FRMD4B: variants seen among roughly 807,000 people sequenced by gnomAD.
FRMD4B encodes FERM domain-containing protein 4B.
In FRMD4B, 74 loss-of-function variants were observed where a neutral mutation model predicts 141.5. The observed-to-expected ratio is 0.52, with a 90% CI of 0.43 to 0.63. The LOEUF (loss-of-function observed/expected upper bound fraction) is 0.63. FRMD4B is among the 30% of genes least tolerant of loss of function. FRMD4B has a pLI of 0.00. For synonymous variants in FRMD4B, 506 were observed against 467.9 expected, an observed-to-expected ratio of 1.08 and a Z score of -1.05; for missense variants, 1,366 against 1,253.4, an observed-to-expected ratio of 1.09 and a Z score of -1.36.
At chr3:69,474,093 T>C (rs1705939354) in intron 1 of FRMD4B, among the ~76,000 whole-genome samples, 1 of 152,204 alleles carries the variant, frequency 6.6e-6, no homozygotes, top group Non-Finnish European at 1.5e-5. Context: ...CCATCAGTGA[T>C]TTATGCAATG....
At chr3:69,433,798 G>A (rs1197191028) in intron 1 of FRMD4B, among the ~76,000 whole-genome samples, 1 of 152,172 alleles carries the variant, frequency 6.6e-6, no homozygotes, top group East Asian at 1.9e-4. Flanking sequence ...GATAGTTATG[G>A]TTTGGGTAGT....
At chr3:69,479,477 G>T (rs1375465851) in intron 1 of FRMD4B, among the ~76,000 whole-genome samples, 1 of 152,030 alleles carries the variant, frequency 6.6e-6, no homozygotes, top group Non-Finnish European at 1.5e-5. Flanking sequence ...GCTTAGTTTG[G>T]CTAGATATGA....
rs542515836 is a variant in FRMD4B at position 69,284,066 on chromosome 3, C to T, written c.501+3686G>A. Among the ~76,000 whole-genome samples, 8 of 152,094 alleles carry T rather than the reference C, an allele frequency of 5.3e-5. No homozygotes were observed. The East Asian group carries it at 7.7e-4, about 15-fold the overall frequency. ...CGAAGATAGTGAACCTTGAACAAGG[C>T]GAGCCCTATGACTGCCCCCAGTACT... is the stretch of plus-strand genomic sequence containing the variant. On this transcript the variant is annotated intron_variant, in intron 5 of 22. Transcript: ENST00000398540.
intron 10 of FRMD4B, 118 bp downstream of exon 10, chr3:69,218,204 C>T (rs2093159706): frequency 1.6e-6 from 1 of 623,018 alleles, no homozygotes. Context: ...AAATAATGTA[C>T]TTTATAATTT....
intron 19 of FRMD4B, among the ~76,000 whole-genome samples, chr3:69,184,788 C>A (rs1370492379): frequency 6.6e-6 from 1 of 152,172 alleles, no homozygotes; most frequent in African/African-American, 2.4e-5. Context: ...CTGTTCTGAC[C>A]AATATGATAG....
At chr3:69,180,822 C>A in intron 21 of FRMD4B, 77 bp downstream of exon 21, 2 of 989,298 alleles carry the variant, frequency 2.0e-6, no homozygotes, top group East Asian at 2.4e-5. Flanking sequence ...TCTCATGATC[C>A]GTGAGGCGGT....
At chr3:69,337,605 T>C (rs1279216125) in intron 1 of FRMD4B, among the ~76,000 whole-genome samples, 2 of 152,060 alleles carry the variant, frequency 1.3e-5, no homozygotes, top group African/African-American at 4.8e-5. Flanking sequence ...CCAACAAATT[T>C]ACAAGAAAAA....
At chr3:69,534,177 C>T (rs1411057375) in intron 1 of FRMD4B, among the ~76,000 whole-genome samples, 1 of 152,192 alleles carries the variant, frequency 6.6e-6, no homozygotes, top group Non-Finnish European at 1.5e-5. Context: ...TTCACATCTT[C>T]CCTTCATAGG....
Position 69,180,983 on chromosome 3 carries a change from C to G in FRMD4B, c.2767G>C (p.Asp923His). Residue 923 changes from aspartate (D) to histidine (H), a missense_variant, in exon 21 of 23, where the codon GAC becomes CAC. Coordinates refer to ENST00000398540, the MANE Select transcript of FRMD4B (RefSeq NM_015123.3). ...GHSPQTSFDS[D>H]RGSQRCLGFA... ...CCCAGGCATCTCTGTGATCCCCTGT[C>G]TGAGTCAAAGCTGGTCTGCGGGCTG... 6.2e-7 allele frequency: 1 copy of G among 1,614,046 alleles called. No homozygotes were observed. Among genetic ancestry groups the G allele is most frequent in the South Asian group, 1.1e-5 (1 of 91,082 alleles).
At chr3:69,356,413 T>G (rs985712677) in intron 1 of FRMD4B, among the ~76,000 whole-genome samples, 1 of 152,036 alleles carries the variant, frequency 6.6e-6, no homozygotes, top group Non-Finnish European at 1.5e-5. Flanking sequence ...CCAGCCTACA[T>G]CTTTCTCTCG....
chr3:69,377,644 G>T (rs9848101), intron 1 of FRMD4B, among the ~76,000 whole-genome samples: 1 of 152,136 alleles, frequency 6.6e-6, no homozygotes, highest in Non-Finnish European at 1.5e-5. Flanking sequence ...CCTTTTCAAG[G>T]GTAGCCCATC....
In FRMD4B at chr3:69,339,218, A is replaced by T. The variant is rs114174787; in HGVS notation, c.163-25701T>A. Among the ~76,000 whole-genome samples the T allele has an allele frequency of 4.9e-3, 750 of 152,166 alleles. 7 individuals carry two copies. Among genetic ancestry groups the T allele is most frequent in the African/African-American group, 0.017 (699 of 41,468 alleles). On this transcript the variant is annotated intron_variant, in intron 1 of 22. Transcript: ENST00000398540. The stretch of plus-strand genomic sequence containing the variant: ...ACTATTGGCCTAGAAAATGAAACTT[A>T]ATGTTAAACCCGAGTTTTATAATCA...
chr3:69,212,775 T>A (rs2093099380), intron 11 of FRMD4B, among the ~76,000 whole-genome samples: 1 of 152,192 alleles, frequency 6.6e-6, no homozygotes, highest in South Asian at 2.1e-4. Context: ...ATAAATTACT[T>A]GTGAGTTGTC....
chr3:69,331,352 T>A (rs1302090668), intron 1 of FRMD4B, among the ~76,000 whole-genome samples: 6 of 152,120 alleles, frequency 3.9e-5, no homozygotes, highest in Non-Finnish European at 7.4e-5. Flanking sequence ...AGGGCGGTGG[T>A]TGGGAGCAGC....
chr3:69,297,118 G>A (rs1275644948), intron 4 of FRMD4B, among the ~76,000 whole-genome samples: 2 of 152,108 alleles, frequency 1.3e-5, no homozygotes, highest in Non-Finnish European at 2.9e-5. Flanking sequence ...TGTGTCACGT[G>A]TATTTGGCTC....
chr3:69,395,995 C>T (rs1704467822), intron 2 of FRMD4B, among the ~76,000 whole-genome samples: 1 of 152,142 alleles, frequency 6.6e-6, no homozygotes, highest in South Asian at 2.1e-4. Flanking sequence ...TTATCTCAGT[C>T]TGGTGGGTTT....
At chr3:69,375,264 C>CCCAT (rs1217452208) in intron 1 of FRMD4B, among the ~76,000 whole-genome samples, 505 of 10,290 alleles carry the variant, frequency 0.049, 11 homozygotes, top group African/African-American at 0.086. Flanking sequence ...TCCACCCCAT[C>CCCAT]CCATCCATCC....
chr3:69,406,501 T>C (rs1704652388), intron 2 of FRMD4B, among the ~76,000 whole-genome samples: 2 of 152,190 alleles, frequency 1.3e-5, no homozygotes, highest in African/African-American at 4.8e-5. Flanking sequence ...ATTTCCATTG[T>C]AAAATATTCA....
At chr3:69,463,208 A>G (rs1406601825) in intron 1 of FRMD4B, among the ~76,000 whole-genome samples, 1 of 152,216 alleles carries the variant, frequency 6.6e-6, no homozygotes, top group Non-Finnish European at 1.5e-5. Context: ...TCACATTCCT[A>G]GGCAACCACT....
Sources: allele counts gnomAD v4.1 joint callset (sites outside exome capture counted in the v4.1 genomes callset), GRCh38; gene constraint gnomAD v4.1.1; transcripts MANE v1.5; gene names NCBI Gene and HGNC (gene_info 2026-07-23, HGNC 2026-07-21).